The following PCDH9 variants were observed in gnomAD, a reference collection of about 807,000 sequenced individuals.
PCDH9 encodes protocadherin 9.
A neutral mutation model predicts 70.6 loss-of-function variants in PCDH9; 24 were observed. The ratio of observed to expected loss-of-function variants is 0.34; its 90% CI spans 0.25 to 0.48. The LOEUF is 0.48. Ranked by LOEUF, PCDH9 falls within the 20% of genes least tolerant of loss-of-function variation. The probability of loss-of-function intolerance (pLI) is 0.99; values close to 1 mark genes in which losing one functional copy is unlikely to be tolerated. For synonymous variants in PCDH9, 562 were observed against 558.5 expected (o/e 1.01, Z -0.09); for missense variants, 1,281 against 1,503.6 (o/e 0.85, Z 2.45).
At chr13:66,985,855 T>C (rs1421201679) in intron 2 of PCDH9, 1 of 151,906 alleles carries the variant, frequency 6.6e-6, no homozygotes, top group Non-Finnish European at 1.5e-5. Flanking sequence ...CCTTAATCAA[T>C]CTGGAGAAAA....
chr13:66,486,542 G>A (rs1320201851), intron 4 of PCDH9, among the ~76,000 whole-genome samples: 2 of 151,734 alleles, frequency 1.3e-5, no homozygotes, highest in Non-Finnish European at 2.9e-5. Flanking sequence ...AGACTGAGGT[G>A]GGAAGATGAC....
At chr13:66,976,287 A>G (rs561720048) in intron 2 of PCDH9, among the ~76,000 whole-genome samples, 1 of 152,208 alleles carries the variant, frequency 6.6e-6, no homozygotes, top group South Asian at 2.1e-4. Context: ...CATTTTAAGT[A>G]ATTAATAGAA....
intron 3 of PCDH9, among the ~76,000 whole-genome samples, chr13:66,903,039 A>C (rs972593257): frequency 7.2e-5 from 11 of 151,928 alleles, no homozygotes; most frequent in African/African-American, 2.7e-4. Context: ...AGTAAAAAAA[A>C]AGGAAAACTT....
chr13:67,145,157 C>T (rs1054400662), intron 2 of PCDH9, among the ~76,000 whole-genome samples: 4 of 151,922 alleles, frequency 2.6e-5, no homozygotes, highest in Admixed American at 1.3e-4. Context: ...TAATACAATG[C>T]GATGATGACA....
intron 4 of PCDH9, among the ~76,000 whole-genome samples, chr13:66,523,026 C>T (rs1312963012): frequency 6.6e-6 from 1 of 152,076 alleles, no homozygotes; most frequent in Admixed American, 6.6e-5. Context: ...ATAGAGCCCA[C>T]TGCATTTCTT....
chr13:66,509,330 T>C (rs924172262), intron 4 of PCDH9, among the ~76,000 whole-genome samples: 37 of 152,174 alleles, frequency 2.4e-4, no homozygotes, highest in Non-Finnish European at 1.8e-4. Flanking sequence ...AACCATCTTG[T>C]TGGAATGTAA....
At chr13:66,358,273 A>G (rs1381374798) in intron 4 of PCDH9, among the ~76,000 whole-genome samples, 1 of 151,972 alleles carries the variant, frequency 6.6e-6, no homozygotes, top group Non-Finnish European at 1.5e-5. Flanking sequence ...TTTTTGTTTC[A>G]GTATAGTACC....
intron 3 of PCDH9, among the ~76,000 whole-genome samples, chr13:66,741,946 C>A (rs1363879745): frequency 6.7e-6 from 1 of 149,926 alleles, no homozygotes; most frequent in Non-Finnish European, 1.5e-5. Context: ...CAATGCCATC[C>A]CCATCAAGCT....
At chr13:66,361,358 G>A (rs1250745771) in intron 4 of PCDH9, among the ~76,000 whole-genome samples, 1 of 152,034 alleles carries the variant, frequency 6.6e-6, no homozygotes, top group Non-Finnish European at 1.5e-5. Context: ...AATTAAATGT[G>A]GGTAAATAAT....
At chr13:66,536,844 A>G (rs572000688) in intron 4 of PCDH9, among the ~76,000 whole-genome samples, 49 of 152,094 alleles carry the variant, frequency 3.2e-4, no homozygotes, top group African/African-American at 1.1e-3. Context: ...GATAGACACC[A>G]GTTTTAACAA....
chr13:66,567,336 T>C (rs1345070306), intron 4 of PCDH9, among the ~76,000 whole-genome samples: 1 of 152,172 alleles, frequency 6.6e-6, no homozygotes, highest in South Asian at 2.1e-4. Context: ...GGTATGGGGA[T>C]GGAGCTTTTA....
intron 4 of PCDH9, among the ~76,000 whole-genome samples, chr13:66,325,965 T>C (rs940408754): frequency 6.6e-6 from 1 of 152,136 alleles, no homozygotes; most frequent in African/African-American, 2.4e-5. Flanking sequence ...ACAGGAAGTG[T>C]GGCTTATTTT....
intron 3 of PCDH9, among the ~76,000 whole-genome samples, chr13:66,850,064 A>G (rs897932621): frequency 6.6e-6 from 1 of 152,100 alleles, no homozygotes; most frequent in Non-Finnish European, 1.5e-5. Flanking sequence ...GCACAAAATT[A>G]TTGTTATAAT....
At chr13:66,827,132 A>T (rs905748831) in intron 3 of PCDH9, among the ~76,000 whole-genome samples, 6 of 152,082 alleles carry the variant, frequency 3.9e-5, no homozygotes, top group Non-Finnish European at 2.9e-5. Flanking sequence ...AGTGATGTAA[A>T]TAAGGGGTCA....
intron 3 of PCDH9, among the ~76,000 whole-genome samples, chr13:66,824,424 G>A (rs886499252): frequency 6.7e-6 from 1 of 148,320 alleles, no homozygotes; most frequent in African/African-American, 2.5e-5. Context: ...GGGAGGCCAA[G>A]GCAGGTGAAA....
intron 2 of PCDH9, among the ~76,000 whole-genome samples, chr13:67,187,444 A>G (rs1445614940): frequency 6.6e-6 from 1 of 152,104 alleles, no homozygotes; most frequent in Non-Finnish European, 1.5e-5. Flanking sequence ...GTTTCCTTAG[A>G]GACAGTTTCT....
At chr13:66,529,403 C>T (rs2324914) in intron 4 of PCDH9, among the ~76,000 whole-genome samples, 126,141 of 151,974 alleles carry the variant, frequency 0.83, 52,575 homozygotes, top group East Asian at 1. Context: ...AAGTGAACTA[C>T]TTTGGAGGGA....
chr13:66,628,413 A>G (rs546941682), intron 4 of PCDH9, among the ~76,000 whole-genome samples: 17 of 152,358 alleles, frequency 1.1e-4, no homozygotes, highest in African/African-American at 3.8e-4. Context: ...ATAACTTTAT[A>G]CATTTGCCTT....
At chr13:66,384,957 T>C (rs1593892652) in intron 4 of PCDH9, among the ~76,000 whole-genome samples, 1 of 152,096 alleles carries the variant, frequency 6.6e-6, no homozygotes, top group Non-Finnish European at 1.5e-5. Flanking sequence ...GTGTGAGCCA[T>C]GGCGCCCGGC....
Sources: allele counts gnomAD v4.1 joint callset (sites outside exome capture counted in the v4.1 genomes callset), GRCh38; gene constraint gnomAD v4.1.1; transcripts MANE v1.5; gene names NCBI Gene and HGNC (gene_info 2026-07-23, HGNC 2026-07-21).